Variants in NRP2 observed in about 807,000 individuals in gnomAD.
The protein encoded by NRP2 is neuropilin 2, also known as neuropilin-2.
NRP2 carries 52 observed loss-of-function variants against 110.4 expected under a neutral mutation model. The observed-to-expected ratio is 0.47, with a 90% confidence interval of 0.38 to 0.59. NRP2 has a LOEUF of 0.59. Ranked by LOEUF, NRP2 falls within the 20% of genes least tolerant of loss-of-function variation. The pLI, the probability that NRP2 is intolerant of heterozygous loss-of-function variation, is 0.00. For synonymous variants in NRP2, 508 were observed against 468.9 expected, an observed-to-expected ratio of 1.08 and a Z score of -1.08; for missense variants, 1,049 against 1,203.0, an observed-to-expected ratio of 0.87 and a Z score of 1.89.
intron 2 of NRP2, among the ~76,000 whole-genome samples, chr2:205,702,184 A>T (rs750693557): frequency 2.0e-5 from 3 of 152,140 alleles, no homozygotes; most frequent in Non-Finnish European, 4.4e-5. Flanking sequence ...TCCTGCTTTC[A>T]CACATCCTGT....
At chr2:205,784,251 G>A (rs1001591517) in intron 15 of NRP2, among the ~76,000 whole-genome samples, 4 of 152,210 alleles carry the variant, frequency 2.6e-5, no homozygotes, top group Admixed American at 2.6e-4. Context: ...AACGATGGGT[G>A]TGCAGAAAGC....
At chr2:205,728,336 C>T (rs751117850) in intron 7 of NRP2, among the ~76,000 whole-genome samples, 1 of 152,182 alleles carries the variant, frequency 6.6e-6, no homozygotes, top group Non-Finnish European at 1.5e-5. Context: ...GTCCCCAGTC[C>T]ACTTCTCCCC....
At chr2:205,701,930 C>T (rs966555397) in intron 2 of NRP2, among the ~76,000 whole-genome samples, 2 of 152,172 alleles carry the variant, frequency 1.3e-5, no homozygotes, top group Non-Finnish European at 2.9e-5. Flanking sequence ...GCTTTTAATT[C>T]TAAGCTTCAC....
At chr2:205,780,341 A>G (rs2058160171) in intron 15 of NRP2, among the ~76,000 whole-genome samples, 1 of 152,234 alleles carries the variant, frequency 6.6e-6, no homozygotes, top group Non-Finnish European at 1.5e-5. Flanking sequence ...TGAAAGGAAC[A>G]CTATAAAACT....
intron 15 of NRP2, chr2:205,768,029 A>G (rs2057955715): frequency 1.3e-5 from 2 of 152,314 alleles, no homozygotes; most frequent in Non-Finnish European, 2.9e-5. Flanking sequence ...ACTCCAAATC[A>G]TCTCACCCAA....
intron 7 of NRP2, among the ~76,000 whole-genome samples, chr2:205,731,987 G>A (rs1243538424): frequency 3.3e-5 from 5 of 152,246 alleles, no homozygotes; most frequent in African/African-American, 4.8e-5. Flanking sequence ...TAGGAAACTG[G>A]AGCCTGCATG....
rs186306626 is a variant in NRP2, at chr2:205,683,111, A to G, written c.-180A>G. The G allele has an allele frequency of 3.8e-5, 23 of 600,428 alleles. No individual in the cohort carries two copies. In the Admixed American group the frequency reaches 5.2e-4, roughly 14 times the overall value. The allele number at this position is 600,428 out of a possible 1,614,324, so 37.2% of individuals were successfully genotyped here. On this transcript the variant is annotated 5_prime_UTR_variant, in exon 1 of 17. Transcript: ENST00000357785. ...TTCAGGAGCTACTCTCCTCCTGGTGAGGTGGAAATTCCAGCAAGAATAGAG... is the reference window on the plus strand; with the variant it reads ...TTCAGGAGCTACTCTCCTCCTGGTGGGGTGGAAATTCCAGCAAGAATAGAG...
chr2:205,703,054 A>G (rs1167910742), intron 2 of NRP2, among the ~76,000 whole-genome samples: 1 of 152,026 alleles, frequency 6.6e-6, no homozygotes, highest in East Asian at 1.9e-4. Flanking sequence ...TCATATCTAA[A>G]CTCCCATGGC....
intron 3 of NRP2, among the ~76,000 whole-genome samples, chr2:205,721,917 C>T (rs1000101832): frequency 1.3e-5 from 2 of 152,118 alleles, no homozygotes; most frequent in Non-Finnish European, 2.9e-5. Flanking sequence ...CCCAAGCTCC[C>T]CTTTGCCCCT....
At position 205,745,796 on chromosome 2, in the gene NRP2, C is replaced by T; in HGVS notation, c.1692C>T (p.Asp564=). ...ACACCCCTGACATCCGAAGGTTTGA[C>T]CCCATTCCGGCACAGTATGTGCGGG... ...HYDTPDIRRF[D]PIPAQYVRVY... The change falls in exon 10 of 17, where the codon GAC becomes GAT. Residue 564 remains aspartate, a synonymous_variant. Transcript: ENST00000357785. The T allele has an allele frequency of 6.2e-7, 1 of 1,614,236 alleles. No individual in the cohort carries two copies. Among genetic ancestry groups the T allele is most frequent in the East Asian group, 2.2e-5 (1 of 44,874 alleles).
At chr2:205,727,379 A>T (rs1168703289) in intron 6 of NRP2, among the ~76,000 whole-genome samples, 1 of 152,232 alleles carries the variant, frequency 6.6e-6, no homozygotes, top group African/African-American at 2.4e-5. Context: ...CAGACTCTAC[A>T]TGCCCTTTGA....
intron 3 of NRP2, among the ~76,000 whole-genome samples, chr2:205,719,750 T>C (rs2056974329): frequency 6.6e-6 from 1 of 152,212 alleles, no homozygotes; most frequent in African/African-American, 2.4e-5. Context: ...CAGCTTTGGG[T>C]AAATCCACTG....
rs1238130702 is a variant in NRP2 at position 205,722,706 on chromosome 2, A to G, written c.662A>G (p.His221Arg). ...CTGGACATCTGGGATGGCATTCCACATGGTGAGTGATGTCATGAGGCATTC... is the reference window on the plus strand; with the variant it reads ...CTGGACATCTGGGATGGCATTCCACGTGGTGAGTGATGTCATGAGGCATTC... ...DWLDIWDGIP[H>R]VGPLIGKYCG... Residue 221 changes from histidine to arginine, a missense_variant and splice_region_variant, in exon 4 of 17, where the codon CAT becomes CGT. By Grantham distance (29) the His-to-Arg change is conservative. Transcript: ENST00000357785. The G allele has an allele frequency of 1.2e-6, 2 of 1,612,186 alleles. No homozygotes were observed. The highest frequency in any genetic ancestry group is 2.2e-5 in the East Asian group (1 of 44,884).
At chr2:205,711,085 A>T (rs768306824) in intron 2 of NRP2, among the ~76,000 whole-genome samples, 2 of 152,258 alleles carry the variant, frequency 1.3e-5, no homozygotes, top group Admixed American at 1.3e-4. Context: ...GTGTTGGGGC[A>T]CAAAGACAGA....
At position 205,722,504 on chromosome 2, in the gene NRP2, A is replaced by G; in HGVS notation, c.460A>G (p.Thr154Ala). Residue 154 changes from threonine to alanine, a missense_variant, in exon 4 of 17, where the codon ACA (threonine) becomes GCA (alanine). Physicochemically the swap from Thr to Ala is moderately conservative, Grantham distance 58. Coordinates refer to ENST00000357785, the MANE Select transcript of NRP2 (RefSeq NM_003872.3). ...TGSEDCSKNF[T>A]SPNGTIESPG... is the part of the protein sequence containing the mutation. ...CTCTGAAGATTGCTCAAAAAACTTCACAAGCCCCAACGGGACCATCGAATC... is the reference window on the plus strand; with the variant it reads ...CTCTGAAGATTGCTCAAAAAACTTCGCAAGCCCCAACGGGACCATCGAATC... 6.2e-7 allele frequency: 1 copy of G among 1,614,198 alleles called. No individual in the cohort carries two copies. The highest frequency in any genetic ancestry group is 1.1e-5 in the South Asian group (1 of 91,082).
At chr2:205,769,232 A>G (rs2057977602) in intron 15 of NRP2, among the ~76,000 whole-genome samples, 1 of 152,224 alleles carries the variant, frequency 6.6e-6, no homozygotes, top group Admixed American at 6.5e-5. Flanking sequence ...TTACATTGTT[A>G]TACATTTTTC....
At chr2:205,690,355 A>G in intron 1 of NRP2, among the ~76,000 whole-genome samples, 1 of 152,166 alleles carries the variant, frequency 6.6e-6, no homozygotes, top group Admixed American at 6.5e-5. Context: ...GGTGGTACAG[A>G]TAACCAATAT....
chr2:205,700,862 T>G, intron 2 of NRP2: 1 of 435,976 alleles, frequency 2.3e-6, no homozygotes, highest in East Asian at 6.4e-5. Flanking sequence ...TTTGGGGGCC[T>G]GTATAGAAGC....
intron 2 of NRP2, 69 bp from the exon 3 acceptor site, chr2:205,716,124 G>C (rs1217837299): frequency 6.7e-7 from 1 of 1,491,456 alleles, no homozygotes; most frequent in African/African-American, 1.4e-5. Context: ...AGACATAAGT[G>C]GGAGCGACAC....
Sources: allele counts gnomAD v4.1 joint callset (sites outside exome capture counted in the v4.1 genomes callset), GRCh38; gene constraint gnomAD v4.1.1; transcripts MANE v1.5; gene names NCBI Gene and HGNC (gene_info 2026-07-23, HGNC 2026-07-21).